NFIA: variants seen among roughly 807,000 people sequenced by gnomAD.
NFIA encodes the protein nuclear factor I A, also known as nuclear factor 1 A-type.
NFIA carries 8 observed loss-of-function variants against 62.8 expected under a neutral mutation model. The observed-to-expected ratio is 0.13, with a 90% confidence interval of 0.07 to 0.23. The LOEUF is 0.23. NFIA is among the 10% of genes least tolerant of loss of function. The pLI is 1.00. For missense variants in NFIA, 410 were observed against 642.1 expected, an observed-to-expected ratio of 0.64 and a Z score of 3.91; for synonymous variants, 235 against 238.1, an observed-to-expected ratio of 0.99 and a Z score of 0.12.
chr1:61,193,592 T>C (rs1274320711), intron 2 of NFIA, among the ~76,000 whole-genome samples: 1 of 152,222 alleles, frequency 6.6e-6, no homozygotes, highest in East Asian at 1.9e-4. Flanking sequence ...AGTGTAGTTC[T>C]GCAAATGTTT....
intron 7 of NFIA, among the ~76,000 whole-genome samples, chr1:61,391,040 G>GTTTA (rs948139366): frequency 7.0e-6 from 1 of 142,638 alleles, no homozygotes; most frequent in East Asian, 2.2e-4. Flanking sequence ...TGATTTGTTT[G>GTTTA]TTTATTTGTT....
chr1:61,082,904 G>T, intron 1 of NFIA, 86 bp downstream of exon 1: 2 of 1,391,430 alleles, frequency 1.4e-6, no homozygotes, highest in Non-Finnish European at 1.9e-6. Flanking sequence ...CGGGGCCGTC[G>T]CTCCGGCCGG....
At chr1:61,133,803 C>T (rs1647125618) in intron 2 of NFIA, among the ~76,000 whole-genome samples, 1 of 152,102 alleles carries the variant, frequency 6.6e-6, no homozygotes, top group Non-Finnish European at 1.5e-5. Flanking sequence ...TGTGAATAGC[C>T]ACTGCACTCC....
At chr1:61,435,125 A>G (rs556301226) in intron 10 of NFIA, among the ~76,000 whole-genome samples, 9 of 152,298 alleles carry the variant, frequency 5.9e-5, no homozygotes, top group African/African-American at 2.2e-4. Context: ...ATTCCAGGGT[A>G]CTAAGGGAAA....
At chr1:61,350,059 T>G (rs1457436724) in intron 4 of NFIA, among the ~76,000 whole-genome samples, 1 of 152,106 alleles carries the variant, frequency 6.6e-6, no homozygotes, top group Non-Finnish European at 1.5e-5. Flanking sequence ...CCCTTTCACC[T>G]CCATGCCTAC....
At chr1:61,392,629 T>G (rs997667602) in intron 7 of NFIA, among the ~76,000 whole-genome samples, 1 of 152,160 alleles carries the variant, frequency 6.6e-6, no homozygotes, top group African/African-American at 2.4e-5. Flanking sequence ...ATTTGTACTG[T>G]GATAGATGTG....
chr1:61,155,192 A>G (rs1648702673), intron 2 of NFIA, among the ~76,000 whole-genome samples: 1 of 152,238 alleles, frequency 6.6e-6, no homozygotes, highest in African/African-American at 2.4e-5. Context: ...CAAGAATATA[A>G]TTGAAATATA....
intron 2 of NFIA, among the ~76,000 whole-genome samples, chr1:61,173,076 T>C (rs1425248815): frequency 6.6e-6 from 1 of 152,188 alleles, no homozygotes; most frequent in African/African-American, 2.4e-5. Context: ...ACCCAGGGTT[T>C]CACAGCCACT....
chr1:61,180,436 T>A (rs951320723), intron 2 of NFIA, among the ~76,000 whole-genome samples: 1 of 152,176 alleles, frequency 6.6e-6, no homozygotes, highest in Admixed American at 6.5e-5. Flanking sequence ...TCCAGAATAT[T>A]TATATTACTC....
chr1:61,401,647 C>T (rs1326019838), intron 7 of NFIA, among the ~76,000 whole-genome samples: 1 of 152,184 alleles, frequency 6.6e-6, no homozygotes, highest in Non-Finnish European at 1.5e-5. Context: ...GGCAGCGGCA[C>T]TTTATCTTCA....
At chr1:61,267,729 A>T (rs927946939) in intron 2 of NFIA, among the ~76,000 whole-genome samples, 3 of 152,220 alleles carry the variant, frequency 2.0e-5, no homozygotes, top group Non-Finnish European at 4.4e-5. Context: ...GTAAAAGAAT[A>T]AAAGCAATTA....
intron 2 of NFIA, among the ~76,000 whole-genome samples, chr1:61,183,789 G>C (rs1650923222): frequency 6.6e-6 from 1 of 152,172 alleles, no homozygotes; most frequent in African/African-American, 2.4e-5. Flanking sequence ...TTTAGCCAAA[G>C]AGGATATGTC....
chr1:61,352,834 A>T lies in NFIA; in HGVS notation c.818+267A>T, dbSNP rs1229633594. ...CTAAATTGTGTGACACAGGCTAAAA[A>T]TAGTTAAAGAGAGCTTTATGCAAAA... On this transcript the variant is annotated intron_variant, in intron 5 of 10. Coordinates refer to ENST00000403491, the MANE Select transcript of NFIA (RefSeq NM_001134673.4). 2.0e-5 allele frequency among the ~76,000 whole-genome samples: 3 copies of T among 152,252 alleles called. No homozygotes were observed. In the East Asian group the frequency reaches 5.8e-4, roughly 29 times the overall value.
At chr1:61,107,060 G>A (rs1212762416) in intron 2 of NFIA, among the ~76,000 whole-genome samples, 2 of 151,146 alleles carry the variant, frequency 1.3e-5, no homozygotes, top group East Asian at 3.9e-4. Flanking sequence ...ATTGTTTCTT[G>A]TGTAATATTC....
chr1:61,184,140 AAAC>A (rs1650966501), intron 2 of NFIA, among the ~76,000 whole-genome samples: 1 of 149,328 alleles, frequency 6.7e-6, no homozygotes, highest in Non-Finnish European at 1.5e-5. Flanking sequence ...AAAAAAAAAA[AAAC>A]CCAAAAAAAC....
intron 2 of NFIA, among the ~76,000 whole-genome samples, chr1:61,108,640 T>G (rs1352894226): frequency 1.3e-5 from 2 of 151,166 alleles, no homozygotes; most frequent in Non-Finnish European, 3.0e-5. Context: ...GCATTCTTGA[T>G]TTTTTTTTCT....
Position 61,460,230 on chromosome 1 carries a change from G to C in NFIA, c.*4910G>C, listed in dbSNP as rs953651176. ...CTCTGCCTTCTCCACGTCCAAGGCTGTGCATTCGTCTAATTAGCGTCGTGT... is the reference window on the plus strand; with the variant it reads ...CTCTGCCTTCTCCACGTCCAAGGCTCTGCATTCGTCTAATTAGCGTCGTGT... On this transcript the variant is annotated 3_prime_UTR_variant, in exon 11 of 11. Transcript: ENST00000403491. 5 of 152,208 alleles carry C rather than the reference G, an allele frequency of 3.3e-5. No individual in the cohort carries two copies. Among genetic ancestry groups the C allele is most frequent in the Admixed American group, 3.3e-4 (5 of 15,286 alleles). The allele number at this position is 152,208 out of a possible 1,614,324, so 9.4% of individuals were successfully genotyped here. A position where few individuals can be genotyped will look rare whatever the true frequency, so the allele number is the denominator to read the frequency against.
chr1:61,130,661 G>T (rs774300953), intron 2 of NFIA, among the ~76,000 whole-genome samples: 1 of 152,162 alleles, frequency 6.6e-6, no homozygotes. Flanking sequence ...CCCTGTGTGT[G>T]TGCACCTGAG....
chr1:61,219,525 T>C (rs1263045162), intron 2 of NFIA, among the ~76,000 whole-genome samples: 1 of 151,418 alleles, frequency 6.6e-6, no homozygotes, highest in Non-Finnish European at 1.5e-5. Context: ...CCCTCCTGGC[T>C]AACACGGTGA....
Sources: gnomAD v4.1 joint callset for allele counts (sites outside exome capture counted in the v4.1 genomes callset) on GRCh38, gnomAD v4.1.1 for gene constraint, MANE v1.5 for transcripts, NCBI Gene and HGNC (gene_info 2026-07-23, HGNC 2026-07-21) for gene names.